Variants in ADAMTSL1 observed in about 807,000 individuals in gnomAD.
ADAMTSL1 encodes ADAMTS like 1.
ADAMTSL1 carries 126 observed loss-of-function variants against 201.8 expected under a neutral mutation model. The ratio of observed to expected loss-of-function variants is 0.62; its 90% CI spans 0.54 to 0.72. The LOEUF is 0.72. Among genes scored for constraint, ADAMTSL1 ranks in the 30% least tolerant of loss-of-function variants. ADAMTSL1 has a pLI of 0.00. For missense variants in ADAMTSL1, 2,679 were observed against 2,277.8 expected, an observed-to-expected ratio of 1.18 and a Z score of -3.59; for synonymous variants, 1,121 against 903.4, an observed-to-expected ratio of 1.24 and a Z score of -4.32.
chr9:18,040,158 A>G (rs1230914381), intron 1 of ADAMTSL1, among the ~76,000 whole-genome samples: 1 of 152,190 alleles, frequency 6.6e-6, no homozygotes, highest in Non-Finnish European at 1.5e-5. Context: ...ATTCAACAGT[A>G]TGTGAGGTGC....
rs77863640 is a variant in ADAMTSL1, at chr9:18,627,868, A to G, written c.601+5499A>G. ...GCAGGGGAGAGGGATACATTAGTCTACTTACCACAGTGTGCTTTGTTCATC... is the reference window on the plus strand; with the variant it reads ...GCAGGGGAGAGGGATACATTAGTCTGCTTACCACAGTGTGCTTTGTTCATC... On this transcript the variant is annotated intron_variant, in intron 5 of 28. Coordinates refer to ENST00000380548, the MANE Select transcript of ADAMTSL1 (RefSeq NM_001040272.6). Among the ~76,000 whole-genome samples the G allele has an allele frequency of 5.2e-3, 790 of 152,292 alleles. 8 individuals are homozygous for G. Among genetic ancestry groups the G allele is most frequent in the African/African-American group, 0.018 (751 of 41,560 alleles).
intron 2 of ADAMTSL1, among the ~76,000 whole-genome samples, chr9:18,456,260 C>T (rs568023194): frequency 2.6e-5 from 4 of 152,162 alleles, no homozygotes; most frequent in Non-Finnish European, 4.4e-5. Context: ...CGAAGGTCTA[C>T]GTAAGTGTGC....
At chr9:17,986,217 T>C (rs1430524900) in intron 1 of ADAMTSL1, among the ~76,000 whole-genome samples, 1 of 152,118 alleles carries the variant, frequency 6.6e-6, no homozygotes, top group Admixed American at 6.6e-5. Context: ...CCCGTATCCC[T>C]GGGTGTTTCT....
intron 2 of ADAMTSL1, among the ~76,000 whole-genome samples, chr9:18,412,029 T>G (rs1818465939): frequency 6.6e-6 from 1 of 152,208 alleles, no homozygotes; most frequent in South Asian, 2.1e-4. Flanking sequence ...TACCATTCAT[T>G]CGCTTTTATT....
chr9:18,814,315 T>C (rs2131166672), intron 20 of ADAMTSL1, among the ~76,000 whole-genome samples: 1 of 152,354 alleles, frequency 6.6e-6, no homozygotes, highest in African/African-American at 2.4e-5. Flanking sequence ...TTTATATACA[T>C]GTTCTTCAGG....
chr9:18,482,187 C>T (rs1012693658), intron 1 of ADAMTSL1, among the ~76,000 whole-genome samples: 16 of 152,186 alleles, frequency 1.1e-4, no homozygotes, highest in South Asian at 2.1e-4. Flanking sequence ...AGAAAAATCA[C>T]GTGCATGAAC....
chr9:18,181,543 C>T (rs200863653), intron 2 of ADAMTSL1, among the ~76,000 whole-genome samples: 41 of 151,972 alleles, frequency 2.7e-4, no homozygotes, highest in East Asian at 2.1e-3. Flanking sequence ...AAAATGCTCA[C>T]CATCACTGGC....
At chr9:18,491,615 G>A (rs76952986) in intron 1 of ADAMTSL1, among the ~76,000 whole-genome samples, 5,682 of 152,178 alleles carry the variant, frequency 0.037, 349 homozygotes, top group African/African-American at 0.13. Context: ...TTTGCAGATG[G>A]CTCCTTAACA....
intron 2 of ADAMTSL1, among the ~76,000 whole-genome samples, chr9:18,210,140 T>C (rs1249771937): frequency 1.3e-5 from 2 of 151,966 alleles, no homozygotes; most frequent in Non-Finnish European, 2.9e-5. Flanking sequence ...AACCAGGTAA[T>C]GTCAGTCCCC....
rs1315819034 is a variant in ADAMTSL1, at chr9:18,181,528, A to G, written c.207+17547A>G. On this transcript the variant is annotated intron_variant, in intron 2 of 29. Transcript: ENST00000680146. ...AGACATTTATGCAGCCAAAAAACAC[A>G]TGAAAAAATGCTCACCATCACTGGC... Among the ~76,000 whole-genome samples, 214 of 152,134 alleles carry G rather than the reference A, an allele frequency of 1.4e-3. 5 individuals carry two copies. Among genetic ancestry groups the G allele is most frequent in the Admixed American group, 0.014 (211 of 15,284 alleles).
At chr9:18,281,591 G>A (rs1057215417) in intron 2 of ADAMTSL1, among the ~76,000 whole-genome samples, 1 of 152,198 alleles carries the variant, frequency 6.6e-6, no homozygotes, top group Non-Finnish European at 1.5e-5. Context: ...TTTTGCGATT[G>A]TCTATTGTTT....
chr9:17,978,319 A>G (rs1049463738), intron 1 of ADAMTSL1, among the ~76,000 whole-genome samples: 2 of 151,954 alleles, frequency 1.3e-5, no homozygotes, highest in South Asian at 4.1e-4. Flanking sequence ...AATACTTACC[A>G]TTGCTGTTGT....
chr9:18,249,958 C>T (rs1235707201), intron 2 of ADAMTSL1, among the ~76,000 whole-genome samples: 1 of 152,112 alleles, frequency 6.6e-6, no homozygotes, highest in Non-Finnish European at 1.5e-5. Flanking sequence ...CTATGAGACT[C>T]CTCAAAAATA....
chr9:18,800,401 AAAAG>A (rs1822716548), intron 20 of ADAMTSL1, among the ~76,000 whole-genome samples: 1 of 149,768 alleles, frequency 6.7e-6, no homozygotes, highest in Non-Finnish European at 1.5e-5. Flanking sequence ...AAAAAAAAAA[AAAAG>A]GAAAAATGGA....
chr9:18,067,056 G>A (rs890084116), intron 1 of ADAMTSL1, among the ~76,000 whole-genome samples: 3 of 152,048 alleles, frequency 2.0e-5, no homozygotes, highest in Non-Finnish European at 2.9e-5. Context: ...GTTAATGGGT[G>A]CATCACACCA....
At chr9:18,269,087 G>A (rs1358618939) in intron 2 of ADAMTSL1, among the ~76,000 whole-genome samples, 2 of 151,982 alleles carry the variant, frequency 1.3e-5, no homozygotes, top group Non-Finnish European at 2.9e-5. Flanking sequence ...AAGAAAACCA[G>A]ATATATGTTA....
At chr9:18,885,516 A>G (rs373169745) in intron 23 of ADAMTSL1, among the ~76,000 whole-genome samples, 1 of 152,184 alleles carries the variant, frequency 6.6e-6, no homozygotes, top group African/African-American at 2.4e-5. Context: ...TGTCATCTAA[A>G]TAACTCACAT....
intron 1 of ADAMTSL1, among the ~76,000 whole-genome samples, chr9:17,981,855 G>T (rs754272134): frequency 5.3e-5 from 8 of 152,084 alleles, no homozygotes; most frequent in Non-Finnish European, 1.0e-4. Context: ...TTAGTTTGGG[G>T]TTGCCCTTGT....
At chr9:18,264,545 G>C (rs1251193587) in intron 2 of ADAMTSL1, among the ~76,000 whole-genome samples, 1 of 152,114 alleles carries the variant, frequency 6.6e-6, no homozygotes, top group African/African-American at 2.4e-5. Context: ...CACTGCCTCA[G>C]GAGTCCCCTT....
Sources: gnomAD v4.1 joint callset for allele counts (sites outside exome capture counted in the v4.1 genomes callset) on GRCh38, gnomAD v4.1.1 for gene constraint, MANE v1.5 for transcripts, NCBI Gene and HGNC (gene_info 2026-07-23, HGNC 2026-07-21) for gene names.